Variants in CCDC138 observed in about 807,000 individuals in gnomAD.
The protein encoded by CCDC138 is coiled-coil domain-containing protein 138.
A neutral mutation model predicts 82.3 loss-of-function variants in CCDC138; 66 were observed. The observed-to-expected ratio is 0.80, with a 90% CI of 0.66 to 0.98. CCDC138 has a LOEUF of 0.98. Ranked by LOEUF, CCDC138 falls within the 50% of genes least tolerant of loss-of-function variation. The probability of loss-of-function intolerance (pLI) is 0.00; values close to 1 mark genes in which losing one functional copy is unlikely to be tolerated. For synonymous variants in CCDC138, 297 were observed against 265.4 expected (o/e 1.12, Z -1.16); for missense variants, 816 against 758.9 (o/e 1.08, Z -0.88).
chr2:108,864,326 T>C (rs1268139183), intron 13 of CCDC138, among the ~76,000 whole-genome samples: 1 of 152,208 alleles, frequency 6.6e-6, no homozygotes, highest in African/African-American at 2.4e-5. Context: ...CTATTTAACT[T>C]AAGGAATTAT....
intron 5 of CCDC138, among the ~76,000 whole-genome samples, chr2:108,796,681 G>A (rs1053040169): frequency 1.3e-5 from 2 of 152,178 alleles, no homozygotes; most frequent in Admixed American, 1.3e-4. Context: ...AGCATAGATA[G>A]AATTGGAGGT....
chr2:108,796,019 C>T (rs2149501513), intron 5 of CCDC138, among the ~76,000 whole-genome samples: 1 of 152,192 alleles, frequency 6.6e-6, no homozygotes, highest in Admixed American at 6.5e-5. Flanking sequence ...AATGGATTAA[C>T]TGGTTTAATC....
In CCDC138 at chr2:108,802,938, A is replaced by G. The variant is rs1682185486; in HGVS notation, c.736-1951A>G. 2.0e-5 allele frequency among the ~76,000 whole-genome samples: 3 copies of G among 152,014 alleles called. No individual in the cohort carries two copies. The South Asian group carries it at 6.2e-4, about 32-fold the overall frequency. ...TTTATATGCTGGATTACATTTATTGATTTGCGTATATTGAACCAGCCTTGC... is the reference window on the plus strand; with the variant it reads ...TTTATATGCTGGATTACATTTATTGGTTTGCGTATATTGAACCAGCCTTGC... On this transcript the variant is annotated intron_variant, in intron 6 of 14. Transcript: ENST00000295124.
At chr2:108,804,858 T>G (rs377764541) in intron 6 of CCDC138, 31 bp from the exon 7 acceptor site, 2 of 1,479,316 alleles carry the variant, frequency 1.4e-6, no homozygotes, top group East Asian at 2.5e-5. Flanking sequence ...CTTACAAGTT[T>G]TAGATGAGAG....
chr2:108,817,381 C>T (rs1028173904), intron 10 of CCDC138, among the ~76,000 whole-genome samples: 8 of 152,028 alleles, frequency 5.3e-5, no homozygotes, highest in Non-Finnish European at 1.0e-4. Context: ...CAGCCTCCAC[C>T]TCCCGGGTTC....
intron 13 of CCDC138, among the ~76,000 whole-genome samples, chr2:108,860,861 G>A (rs1242526924): frequency 4.3e-5 from 6 of 139,916 alleles, no homozygotes; most frequent in Non-Finnish European, 7.6e-5. Context: ...TTTTGGAATA[G>A]TTTCAATAGA....
chr2:108,873,446 T>C lies in CCDC138; in HGVS notation c.1694-5T>C. 1 of 1,582,754 alleles carries C rather than the reference T, an allele frequency of 6.3e-7. No homozygotes were observed. The highest frequency in any genetic ancestry group is 8.6e-7 in the Non-Finnish European group (1 of 1,168,534). Reference sequence around the variant, plus strand: ...ATAGTAAAGCACTGTTGATTTGTTTTGCAGAATCCTTGCAGCCTTTCCTGG... The same window carrying C: ...ATAGTAAAGCACTGTTGATTTGTTTCGCAGAATCCTTGCAGCCTTTCCTGG... On this transcript the variant is annotated splice_polypyrimidine_tract_variant and splice_region_variant and intron_variant, in intron 13 of 14. Transcript: ENST00000295124.
intron 13 of CCDC138, among the ~76,000 whole-genome samples, chr2:108,872,782 C>T (rs1464747189): frequency 6.6e-6 from 1 of 152,140 alleles, no homozygotes; most frequent in Non-Finnish European, 1.5e-5. Flanking sequence ...AACATGAGTT[C>T]TACAGAGGAC....
In CCDC138 at chr2:108,786,775, G is replaced by C. The variant is rs768414745; in HGVS notation, c.-48G>C. The C allele has an allele frequency of 2.0e-6, 3 of 1,519,052 alleles. No homozygotes were observed. Among genetic ancestry groups the C allele is most frequent in the South Asian group, 1.2e-5 (1 of 84,204 alleles). 94.1% of individuals were successfully genotyped at this position (1,519,052 alleles called of 1,614,324 possible). ...GCACTGCGGCCGCGTAGCGCCGCGGGTTTGATGAACGCGGTTCCCGGGGAG... is the reference window on the plus strand; with the variant it reads ...GCACTGCGGCCGCGTAGCGCCGCGGCTTTGATGAACGCGGTTCCCGGGGAG... On this transcript the variant is annotated 5_prime_UTR_variant, in exon 1 of 15. Transcript: ENST00000295124.
Position 108,800,638 on chromosome 2 carries a change from T to TTTTTTTTTA in CCDC138, c.735+2052_735+2053insTTTTTTTTA, listed in dbSNP as rs1491527939. 5.0e-4 allele frequency among the ~76,000 whole-genome samples: 37 copies of TTTTTTTTTA among 73,770 alleles called. 10 individuals are homozygous for TTTTTTTTTA. Among genetic ancestry groups the TTTTTTTTTA allele is most frequent in the African/African-American group, 2.1e-3 (36 of 17,276 alleles). The allele number at this position is 73,770 out of a possible 152,430, so 48.4% of individuals were successfully genotyped here. A position where few individuals can be genotyped will look rare whatever the true frequency, so the allele number is the denominator to read the frequency against. Reference sequence around the variant, plus strand: ...TTTTTTTTTTTTTTTTTTTTTTTTTTAATTATACTTTAAGTTTTAGGGTAC... The same window carrying TTTTTTTTTA: ...TTTTTTTTTTTTTTTTTTTTTTTTTTTTTTTTTTAAATTATACTTTAAGTTTTAGGGTAC... On this transcript the variant is annotated intron_variant, in intron 6 of 14. Coordinates refer to ENST00000295124, the MANE Select transcript of CCDC138 (RefSeq NM_144978.3).
At chr2:108,844,398 G>T (rs1410269246) in intron 11 of CCDC138, among the ~76,000 whole-genome samples, 1 of 121,728 alleles carries the variant, frequency 8.2e-6, no homozygotes, top group Non-Finnish European at 1.9e-5. Context: ...TATTCACTTG[G>T]TTCTTTTTCT....
Position 108,804,902 on chromosome 2 carries a change from A to T in CCDC138, c.749A>T (p.Glu250Val), listed in dbSNP as rs148294176. The T allele has an allele frequency of 8.7e-5, 136 of 1,559,348 alleles. 1 individual carries two copies. The highest frequency in any genetic ancestry group is 8.6e-4 in the Middle Eastern group (5 of 5,840). ...FQIIKEQHDA[E>V]VEHLTEVLKE... The stretch of plus-strand genomic sequence containing the variant: ...TTCTCCTCCTAGCAGCATGATGCAG[A>T]AGTTGAACACTTAACCGAAGTTCTT... Residue 250 changes from glutamate (E) to valine (V), a missense_variant, in exon 7 of 15, where the codon GAA becomes GTA. By Grantham distance (121) the Glu-to-Val change is moderately radical. Coordinates refer to ENST00000295124, the MANE Select transcript of CCDC138 (RefSeq NM_144978.3).
chr2:108,816,100 G>T lies in CCDC138; in HGVS notation c.1201G>T (p.Val401Leu), dbSNP rs1391676907. The T allele has an allele frequency of 1.9e-6, 3 of 1,598,312 alleles. No homozygotes were observed. Among genetic ancestry groups the T allele is most frequent in the Non-Finnish European group, 2.6e-6 (3 of 1,173,526 alleles). The change falls in exon 10 of 15, where the codon GTA becomes TTA. Residue 401 changes from valine (V) to leucine (L), a missense_variant. Val to Leu is a conservative substitution (Grantham distance 32). Transcript: ENST00000295124. ...SQRNDIQEKCVKLLPLMTEQL... is the reference protein window; with the variant it reads ...SQRNDIQEKCLKLLPLMTEQL... ...GAGAAATGATATTCAGGAGAAGTGT[G>T]TAAAGGTTTGTTTTTTAATTTGAAA...
intron 5 of CCDC138, 62 bp from the exon 6 acceptor site, chr2:108,798,366 G>C: frequency 6.4e-7 from 1 of 1,557,964 alleles, no homozygotes; most frequent in Non-Finnish European, 8.7e-7. Flanking sequence ...TCAGCCAATA[G>C]GAATATAATT....
intron 12 of CCDC138, among the ~76,000 whole-genome samples, chr2:108,855,336 G>T (rs997537667): frequency 6.6e-6 from 1 of 152,088 alleles, no homozygotes; most frequent in Non-Finnish European, 1.5e-5. Context: ...TTTAAAAACT[G>T]TATAGTATTC....
Position 108,876,246 on chromosome 2 carries a change from GCC to G in CCDC138, c.1993_1994del (p.Pro665LeufsTer7). 6.3e-7 allele frequency: 1 copy of G among 1,584,456 alleles called. No homozygotes were observed. The highest frequency in any genetic ancestry group is 8.6e-7 in the Non-Finnish European group (1 of 1,166,364). ...TGTAACTCCCTGGTCTCCAGTGCAA[GCC>G]CTTAGACTGGCTAATTTTTTAATAT... On this transcript the variant is annotated frameshift_variant, in exon 15 of 15. Coordinates refer to ENST00000295124, the MANE Select transcript of CCDC138 (RefSeq NM_144978.3). LOFTEE classifies it high-confidence loss of function.
intron 1 of CCDC138, among the ~76,000 whole-genome samples, chr2:108,787,580 A>T (rs1679102061): frequency 6.6e-6 from 1 of 152,224 alleles, no homozygotes; most frequent in African/African-American, 2.4e-5. Context: ...AATTATCTCG[A>T]TAAAACCTTT....
intron 10 of CCDC138, among the ~76,000 whole-genome samples, chr2:108,822,782 A>G (rs1685931960): frequency 1.3e-5 from 2 of 152,278 alleles, no homozygotes; most frequent in African/African-American, 4.8e-5. Context: ...TATAGGATGC[A>G]GTGTTAAGAG....
intron 2 of CCDC138, among the ~76,000 whole-genome samples, chr2:108,788,330 G>A (rs770300892): frequency 1.3e-5 from 2 of 151,996 alleles, no homozygotes; most frequent in Non-Finnish European, 2.9e-5. Context: ...TGAGGCAGGA[G>A]AATCGGTTGA....
Sources: allele counts gnomAD v4.1 joint callset (sites outside exome capture counted in the v4.1 genomes callset), GRCh38; gene constraint gnomAD v4.1.1; transcripts MANE v1.5; gene names NCBI Gene and HGNC (gene_info 2026-07-23, HGNC 2026-07-21).